KIF26B: variants seen among roughly 807,000 people sequenced by gnomAD.
The protein encoded by KIF26B is kinesin family member 26B, also known as kinesin-like protein KIF26B.
A neutral mutation model predicts 151.2 loss-of-function variants in KIF26B; 63 were observed. That is an observed-to-expected ratio of 0.42 (90% CI 0.34 to 0.51). The LOEUF (loss-of-function observed/expected upper bound fraction) is 0.51, where lower values mean the gene tolerates loss of function less well. KIF26B is among the 20% of genes least tolerant of loss of function. The pLI is 0.07. For synonymous variants in KIF26B, 1,357 were observed against 1,262.1 expected (o/e 1.08, Z -1.59); for missense variants, 2,813 against 2,913.6 (o/e 0.97, Z 0.79).
intron 4 of KIF26B, among the ~76,000 whole-genome samples, chr1:245,489,601 A>AT (rs572919882): frequency 1.7e-4 from 26 of 152,252 alleles, no homozygotes; most frequent in African/African-American, 4.6e-4. Flanking sequence ...TAAGTTTGTG[A>AT]TTTTTTAATG....
Position 245,427,110 on chromosome 1 carries a change from A to G in KIF26B, c.1166+7365A>G, listed in dbSNP as rs1658666018. On this transcript the variant is annotated intron_variant, in intron 4 of 14. Transcript: ENST00000407071. Reference sequence around the variant, plus strand: ...TTCCCCTTAGAAATACATCAACAATATTACCAGAGAAAAACTACCCTAAAC... The same window carrying G: ...TTCCCCTTAGAAATACATCAACAATGTTACCAGAGAAAAACTACCCTAAAC... Among the ~76,000 whole-genome samples the G allele has an allele frequency of 1.3e-5, 2 of 152,160 alleles. 1 individual carries two copies. The highest frequency in any genetic ancestry group is 1.3e-4 in the Admixed American group (2 of 15,282).
At chr1:245,646,362 G>A (rs1232736985) in intron 10 of KIF26B, 82 bp downstream of exon 10, 1 of 1,439,260 alleles carries the variant, frequency 6.9e-7, no homozygotes, top group African/African-American at 1.4e-5. Flanking sequence ...GTGGAGAGGT[G>A]TGCCACAGAG....
At chr1:245,324,823 G>A (rs1671954242) in intron 2 of KIF26B, among the ~76,000 whole-genome samples, 1 of 152,054 alleles carries the variant, frequency 6.6e-6, no homozygotes, top group African/African-American at 2.4e-5. Flanking sequence ...GGCCGGGCAC[G>A]GTGGCTCATG....
intron 3 of KIF26B, among the ~76,000 whole-genome samples, chr1:245,399,759 C>T (rs1246199062): frequency 6.6e-6 from 1 of 152,172 alleles, no homozygotes; most frequent in East Asian, 1.9e-4. Flanking sequence ...TCCAGAAAAA[C>T]TTGCTTAAGA....
At chr1:245,697,690 C>A (rs1439261012) in intron 12 of KIF26B, among the ~76,000 whole-genome samples, 1 of 151,978 alleles carries the variant, frequency 6.6e-6, no homozygotes, top group African/African-American at 2.4e-5. Context: ...TCCTGGGGTG[C>A]TTGTCATGAC....
intron 2 of KIF26B, among the ~76,000 whole-genome samples, chr1:245,305,371 A>G (rs1430783455): frequency 6.6e-6 from 1 of 152,228 alleles, no homozygotes; most frequent in Admixed American, 6.5e-5. Flanking sequence ...TACCCAGAAT[A>G]TATGAAAGAC....
At chr1:245,635,612 G>A (rs555052311) in intron 9 of KIF26B, among the ~76,000 whole-genome samples, 14 of 150,070 alleles carry the variant, frequency 9.3e-5, no homozygotes, top group African/African-American at 2.5e-4. Flanking sequence ...TTTCTGTTTC[G>A]TTGATTTCTG....
At chr1:245,371,719 A>G (rs981923907) in intron 3 of KIF26B, 20 of 152,306 alleles carry the variant, frequency 1.3e-4, no homozygotes, top group African/African-American at 4.8e-4. Flanking sequence ...CAGTAGGAAG[A>G]TTCTTGATTC....
At chr1:245,350,892 A>G (rs564588901) in intron 2 of KIF26B, among the ~76,000 whole-genome samples, 6 of 152,190 alleles carry the variant, frequency 3.9e-5, no homozygotes, top group African/African-American at 1.2e-4. Flanking sequence ...TCCTTGGCTT[A>G]TAAGTAGGCT....
At chr1:245,319,208 T>G (rs923771826) in intron 2 of KIF26B, among the ~76,000 whole-genome samples, 1 of 152,256 alleles carries the variant, frequency 6.6e-6, no homozygotes, top group African/African-American at 2.4e-5. Flanking sequence ...TTCACTTATT[T>G]GCTCACGCTT....
At chr1:245,491,620 A>C (rs1374100986) in intron 4 of KIF26B, among the ~76,000 whole-genome samples, 1 of 151,790 alleles carries the variant, frequency 6.6e-6, no homozygotes, top group Non-Finnish European at 1.5e-5. Context: ...AAACTCTAGT[A>C]AACTGGCTGG....
chr1:245,477,356 A>G (rs1660062860), intron 4 of KIF26B, among the ~76,000 whole-genome samples: 1 of 151,504 alleles, frequency 6.6e-6, no homozygotes, highest in Non-Finnish European at 1.5e-5. Flanking sequence ...CCTGAGACAC[A>G]CTGGGGAACC....
chr1:245,182,111 T>C (rs1343125461), intron 2 of KIF26B, among the ~76,000 whole-genome samples: 1 of 152,230 alleles, frequency 6.6e-6, no homozygotes, highest in Non-Finnish European at 1.5e-5. Context: ...ATTCACTTGT[T>C]TTAAATGTCC....
intron 2 of KIF26B, among the ~76,000 whole-genome samples, chr1:245,272,957 T>C (rs77226432): frequency 0.012 from 1,889 of 152,368 alleles, 36 homozygotes; most frequent in African/African-American, 0.043. Context: ...TCCTGGAGAA[T>C]GTTCTGTGTG....
chr1:245,590,905 CAAAAAAAAG>C (rs1165031512), intron 5 of KIF26B, among the ~76,000 whole-genome samples: 5 of 93,866 alleles, frequency 5.3e-5, no homozygotes, highest in Middle Eastern at 6.3e-3. Flanking sequence ...GATCCTGTCT[CAAAAAAAAG>C]AAAAAAAAAA....
intron 4 of KIF26B, among the ~76,000 whole-genome samples, chr1:245,491,003 G>A (rs566942479): frequency 6.6e-6 from 1 of 152,230 alleles, no homozygotes; most frequent in African/African-American, 2.4e-5. Flanking sequence ...GCCTCACAGT[G>A]CTTCATTTTT....
chr1:245,476,494 A>G lies in KIF26B; in HGVS notation c.1166+56749A>G, dbSNP rs114263136. On this transcript the variant is annotated intron_variant, in intron 4 of 14. Transcript: ENST00000407071. The stretch of plus-strand genomic sequence containing the variant: ...GGCTTTTAAGAAACTGTCTTAAAAG[A>G]CACATTTATTTATTTATTTATTTAT... Among the ~76,000 whole-genome samples the G allele has an allele frequency of 3.9e-3, 556 of 143,160 alleles. 10 individuals are homozygous for G. Among genetic ancestry groups the G allele is most frequent in the African/African-American group, 0.014 (529 of 38,916 alleles). The allele number at this position is 143,160 out of a possible 152,430, so 93.9% of individuals were successfully genotyped here.
intron 9 of KIF26B, chr1:245,615,122 C>G (rs1024100800): frequency 2.0e-5 from 3 of 152,214 alleles, no homozygotes; most frequent in Non-Finnish European, 4.4e-5. Flanking sequence ...TGTCTTCACC[C>G]TGTCAATGTA....
At chr1:245,411,126 C>T (rs1287072997) in intron 3 of KIF26B, among the ~76,000 whole-genome samples, 1 of 152,224 alleles carries the variant, frequency 6.6e-6, no homozygotes, top group Non-Finnish European at 1.5e-5. Flanking sequence ...TAAACCAAAA[C>T]ATGTCTTGCT....
Sources: allele counts gnomAD v4.1 joint callset (sites outside exome capture counted in the v4.1 genomes callset), GRCh38; gene constraint gnomAD v4.1.1; transcripts MANE v1.5; gene names NCBI Gene and HGNC (gene_info 2026-07-23, HGNC 2026-07-21).